The following SLIT2 variants were observed in gnomAD, a reference collection of about 807,000 sequenced individuals.
SLIT2 encodes the protein slit homolog 2 protein.
In SLIT2, 41 loss-of-function variants were observed where a neutral mutation model predicts 185.7. The ratio of observed to expected loss-of-function variants is 0.22; its 90% CI spans 0.17 to 0.29. SLIT2 has a LOEUF of 0.29. Among genes scored for constraint, SLIT2 ranks in the 10% least tolerant of loss-of-function variants. The pLI, the probability that SLIT2 is intolerant of heterozygous loss-of-function variation, is 1.00. For synonymous variants in SLIT2, 693 were observed against 680.2 expected (o/e 1.02, Z -0.29); for missense variants, 1,571 against 1,909.0 (o/e 0.82, Z 3.30).
chr4:20,403,497 C>T (rs78619308), intron 4 of SLIT2, among the ~76,000 whole-genome samples: 5,479 of 152,038 alleles, frequency 0.036, 352 homozygotes, highest in African/African-American at 0.12. Flanking sequence ...ATAACAGCTT[C>T]TGCTTAGTTC....
intron 23 of SLIT2, among the ~76,000 whole-genome samples, 153 bp from the exon 24 acceptor site, chr4:20,548,904 T>A (rs953468632): frequency 6.6e-6 from 1 of 152,094 alleles, no homozygotes; most frequent in Non-Finnish European, 1.5e-5. Context: ...TATGTTGTGT[T>A]AGGGAGACAA....
At chr4:20,560,798 G>A (rs765794757) in intron 26 of SLIT2, among the ~76,000 whole-genome samples, 1 of 151,848 alleles carries the variant, frequency 6.6e-6, no homozygotes, top group Non-Finnish European at 1.5e-5. Context: ...GACTCATGGA[G>A]ATGAATGATA....
At chr4:20,415,843 A>G (rs895554723) in intron 4 of SLIT2, among the ~76,000 whole-genome samples, 1 of 152,158 alleles carries the variant, frequency 6.6e-6, no homozygotes, top group Non-Finnish European at 1.5e-5. Flanking sequence ...TTTTAACATA[A>G]TTTTTGTTAT....
intron 4 of SLIT2, among the ~76,000 whole-genome samples, chr4:20,396,676 G>A (rs1049022470): frequency 6.6e-6 from 1 of 151,372 alleles, no homozygotes; most frequent in Non-Finnish European, 1.5e-5. Context: ...GATACTCATA[G>A]AATTAACTGT....
intron 4 of SLIT2, among the ~76,000 whole-genome samples, chr4:20,324,438 G>T (rs751977358): frequency 6.6e-6 from 1 of 152,092 alleles, no homozygotes; most frequent in Non-Finnish European, 1.5e-5. Context: ...TGATTATAGA[G>T]ATATCCTTTT....
At chr4:20,398,391 C>G (rs115823873) in intron 4 of SLIT2, among the ~76,000 whole-genome samples, 77 of 151,846 alleles carry the variant, frequency 5.1e-4, no homozygotes, top group African/African-American at 1.8e-3. Context: ...GTTCGAGAGT[C>G]CTGAGACATC....
At chr4:20,560,839 C>G (rs1424609653) in intron 26 of SLIT2, among the ~76,000 whole-genome samples, 1 of 151,716 alleles carries the variant, frequency 6.6e-6, no homozygotes, top group East Asian at 1.9e-4. Flanking sequence ...AAATATTATT[C>G]AAGTTCGTAC....
At chr4:20,493,625 C>T (rs1378024791) in intron 9 of SLIT2, among the ~76,000 whole-genome samples, 2 of 152,164 alleles carry the variant, frequency 1.3e-5, no homozygotes, top group Non-Finnish European at 2.9e-5. Context: ...TTAGTTGGAA[C>T]CCCAGGTTTA....
chr4:20,480,705 C>A lies in SLIT2; in HGVS notation c.468-11C>A. The A allele has an allele frequency of 6.2e-7, 1 of 1,608,986 alleles. No individual in the cohort carries two copies. Among genetic ancestry groups the A allele is most frequent in the Non-Finnish European group, 8.5e-7 (1 of 1,175,392 alleles). ...TCCCTTCTACATATATTCTTCTAAT[C>A]TTTTTAACAGGCAACTGGATTACAA... On this transcript the variant is annotated splice_polypyrimidine_tract_variant and intron_variant, in intron 5 of 36. Transcript: ENST00000504154.
At chr4:20,277,970 A>G (rs937169609) in intron 4 of SLIT2, among the ~76,000 whole-genome samples, 1 of 151,930 alleles carries the variant, frequency 6.6e-6, no homozygotes, top group African/African-American at 2.4e-5. Flanking sequence ...TGTACTGTCA[A>G]GAGTAGCTGC....
At position 20,280,206 on chromosome 4, in the gene SLIT2, G is replaced by A. The variant is rs767003057; in HGVS notation, c.395+11325G>A. 5.3e-5 allele frequency among the ~76,000 whole-genome samples: 8 copies of A among 151,812 alleles called. No homozygotes were observed. The East Asian group carries it at 5.8e-4, about 11-fold the overall frequency. On this transcript the variant is annotated intron_variant, in intron 4 of 36. Transcript: ENST00000504154. ...AAATTAGCTGGGCGTGGTGGCGGGCGCCTGTAGTCCCAGCTACTTGGGAGG... is the reference window on the plus strand; with the variant it reads ...AAATTAGCTGGGCGTGGTGGCGGGCACCTGTAGTCCCAGCTACTTGGGAGG...
At chr4:20,457,066 C>T (rs993156347) in intron 4 of SLIT2, among the ~76,000 whole-genome samples, 12 of 151,984 alleles carry the variant, frequency 7.9e-5, no homozygotes, top group African/African-American at 2.7e-4. Flanking sequence ...AGAAAGACAC[C>T]AAGTACCTGG....
intron 30 of SLIT2, among the ~76,000 whole-genome samples, chr4:20,590,068 G>T (rs1372927880): frequency 6.6e-6 from 1 of 151,776 alleles, no homozygotes; most frequent in African/African-American, 2.4e-5. Flanking sequence ...ACCACGCCTG[G>T]CTAATTTTTT....
chr4:20,611,869 A>C (rs758770151), intron 34 of SLIT2, among the ~76,000 whole-genome samples: 17 of 152,178 alleles, frequency 1.1e-4, no homozygotes, highest in Non-Finnish European at 2.1e-4. Context: ...TATGTAGTAG[A>C]CACCTCATTT....
In SLIT2 at chr4:20,596,421, G is replaced by A; in HGVS notation, c.3327G>A (p.Leu1109=). 6.2e-7 allele frequency: 1 copy of A among 1,612,074 alleles called. No individual in the cohort carries two copies. The highest frequency in any genetic ancestry group is 8.5e-7 in the Non-Finnish European group (1 of 1,179,600). The change falls in exon 32 of 37, where the codon TTG becomes TTA. Residue 1109 remains leucine, a synonymous_variant. Transcript: ENST00000504154. Reference sequence around the variant, plus strand: ...TTTTCTCCTTATTCTTCAGTGGCTTGTTCTGTGAGTTTTCTCCACCCATGG... The same window carrying A: ...TTTTCTCCTTATTCTTCAGTGGCTTATTCTGTGAGTTTTCTCCACCCATGG... ...TCICPEGYSG[L]FCEFSPPMVL...
At chr4:20,571,190 T>G (rs558307478) in intron 29 of SLIT2, among the ~76,000 whole-genome samples, 1 of 152,310 alleles carries the variant, frequency 6.6e-6, no homozygotes, top group East Asian at 1.9e-4. Flanking sequence ...CATGAGTATC[T>G]GTCAAGAGCC....
intron 16 of SLIT2, among the ~76,000 whole-genome samples, chr4:20,530,341 C>T (rs142464816): frequency 3.5e-3 from 534 of 152,086 alleles, no homozygotes; most frequent in African/African-American, 0.012. Flanking sequence ...ACAATCACAG[C>T]TCCCTGTAGC....
In SLIT2 at chr4:20,532,625, A is replaced by G. The variant is rs577559110; in HGVS notation, c.1688+567A>G. Among the ~76,000 whole-genome samples the G allele has an allele frequency of 1.8e-3, 276 of 152,306 alleles. 1 individual carries two copies. Among genetic ancestry groups the G allele is most frequent in the African/African-American group, 6.5e-3 (272 of 41,566 alleles). Reference sequence around the variant, plus strand: ...GGGAGACAGGACATAGGTCAATAGCATGGGACCAATGGAGCGCCCTCACAC... The same window carrying G: ...GGGAGACAGGACATAGGTCAATAGCGTGGGACCAATGGAGCGCCCTCACAC... On this transcript the variant is annotated intron_variant, in intron 17 of 36. Transcript: ENST00000504154.
intron 29 of SLIT2, among the ~76,000 whole-genome samples, chr4:20,571,301 C>T (rs1725584328): frequency 6.6e-6 from 1 of 152,070 alleles, no homozygotes; most frequent in African/African-American, 2.4e-5. Flanking sequence ...AACAAAAATA[C>T]TAAACAGAAA....
Sources: gnomAD v4.1 joint callset for allele counts (sites outside exome capture counted in the v4.1 genomes callset) on GRCh38, gnomAD v4.1.1 for gene constraint, MANE v1.5 for transcripts, NCBI Gene and HGNC (gene_info 2026-07-23, HGNC 2026-07-21) for gene names.